Variants in CDC42SE2 observed in about 807,000 individuals in gnomAD.
CDC42SE2 encodes the protein CDC42 small effector 2.
CDC42SE2 carries 3 observed loss-of-function variants against 11.5 expected under a neutral mutation model. That is an observed-to-expected ratio of 0.26 (90% CI 0.12 to 0.67). The LOEUF is 0.67. Ranked by LOEUF, CDC42SE2 falls within the 30% of genes least tolerant of loss-of-function variation. The pLI, the probability that CDC42SE2 is intolerant of heterozygous loss-of-function variation, is 0.80. For synonymous variants in CDC42SE2, 33 were observed against 34.8 expected (o/e 0.95, Z 0.18); for missense variants, 82 against 106.8 (o/e 0.77, Z 1.02).
chr5:131,259,266 A>G (rs956156904), upstream of CDC42SE2, among the ~76,000 whole-genome samples: 1 of 152,192 alleles, frequency 6.6e-6, no homozygotes, highest in African/African-American at 2.4e-5. Context: ...AAAACAGACC[A>G]TGTATACATA....
chr5:131,328,219 A>G (rs1194402440), intron 2 of CDC42SE2, among the ~76,000 whole-genome samples: 1 of 152,192 alleles, frequency 6.6e-6, no homozygotes, highest in Admixed American at 6.5e-5. Context: ...GATTATGGAT[A>G]AAGGATTGTG....
intron 1 of CDC42SE2, among the ~76,000 whole-genome samples, chr5:131,284,154 C>T (rs531424739): frequency 7.5e-4 from 114 of 152,206 alleles, no homozygotes; most frequent in South Asian, 6.4e-3. Context: ...AAGGTTTATC[C>T]ATGTTGTGGT....
chr5:131,339,813 A>G (rs1171407541), intron 2 of CDC42SE2, among the ~76,000 whole-genome samples: 1 of 150,326 alleles, frequency 6.7e-6, no homozygotes, highest in African/African-American at 2.5e-5. Flanking sequence ...CCATCTCAAA[A>G]AAAAAAAAAA....
intron 3 of CDC42SE2, among the ~76,000 whole-genome samples, chr5:131,375,077 T>G (rs1478848615): frequency 6.6e-6 from 1 of 151,612 alleles, no homozygotes; most frequent in African/African-American, 2.4e-5. Flanking sequence ...GTTTTCATAC[T>G]TGGAATATGT....
upstream of CDC42SE2, among the ~76,000 whole-genome samples, chr5:131,241,204 T>C (rs1461384862): frequency 6.6e-6 from 1 of 151,970 alleles, no homozygotes; most frequent in Non-Finnish European, 1.5e-5. Flanking sequence ...GGTCTCGATC[T>C]CCTGACCTCG....
chr5:131,295,796 C>A (rs1015828890), intron 1 of CDC42SE2, among the ~76,000 whole-genome samples: 13 of 151,970 alleles, frequency 8.6e-5, no homozygotes, highest in Non-Finnish European at 5.9e-5. Flanking sequence ...CATTCTCCTG[C>A]CTCAGCCTCC....
At chr5:131,247,480 A>T (rs1020062442) in intron 1 of CDC42SE2, among the ~76,000 whole-genome samples, 1 of 151,982 alleles carries the variant, frequency 6.6e-6, no homozygotes, top group Non-Finnish European at 1.5e-5. Context: ...TTAGCTGGGC[A>T]TGGTGGTGGG....
At chr5:131,354,297 T>G (rs1749466814) in intron 2 of CDC42SE2, among the ~76,000 whole-genome samples, 1 of 152,182 alleles carries the variant, frequency 6.6e-6, no homozygotes, top group Non-Finnish European at 1.5e-5. Context: ...AACAAATAAT[T>G]ATAAAGCAAA....
intron 1 of CDC42SE2, among the ~76,000 whole-genome samples, chr5:131,293,753 T>C (rs1757512383): frequency 6.6e-6 from 1 of 152,202 alleles, no homozygotes; most frequent in South Asian, 2.1e-4. Flanking sequence ...CTTACTTTTC[T>C]TATGTTCTTT....
At chr5:131,218,599 C>G in the CDC42SE2 span, among the ~76,000 whole-genome samples, 1 of 149,636 alleles carries the variant, frequency 6.7e-6, no homozygotes, top group African/African-American at 2.5e-5. Context: ...TTGTATTAGC[C>G]CAAACGAAAC....
intron 3 of CDC42SE2, among the ~76,000 whole-genome samples, chr5:131,379,238 C>G (rs900382958): frequency 6.6e-6 from 1 of 152,180 alleles, no homozygotes; most frequent in Non-Finnish European, 1.5e-5. Context: ...TCTTTATTCA[C>G]TCTGTATCTG....
chr5:131,383,527 A>G (rs981168447), intron 3 of CDC42SE2, among the ~76,000 whole-genome samples: 2 of 152,184 alleles, frequency 1.3e-5, no homozygotes, highest in Non-Finnish European at 2.9e-5. Context: ...GAAAAGAGTG[A>G]AAAACTATAA....
chr5:131,383,135 A>G (rs1035015300), intron 3 of CDC42SE2, among the ~76,000 whole-genome samples: 1 of 152,184 alleles, frequency 6.6e-6, no homozygotes, highest in Admixed American at 6.5e-5. Context: ...AGACCAGTGC[A>G]TTGCTGGCAT....
At chr5:131,311,633 T>A (rs542029835) in intron 1 of CDC42SE2, among the ~76,000 whole-genome samples, 1 of 152,218 alleles carries the variant, frequency 6.6e-6, no homozygotes, top group Non-Finnish European at 1.5e-5. Flanking sequence ...TTGAAGACTT[T>A]GCTCGTTTCT....
the CDC42SE2 span, among the ~76,000 whole-genome samples, chr5:131,232,072 G>T: frequency 6.6e-6 from 1 of 151,650 alleles, no homozygotes; most frequent in African/African-American, 2.4e-5. Context: ...TTGCAGGTGT[G>T]AGCCACCACG....
intron 1 of CDC42SE2, among the ~76,000 whole-genome samples, chr5:131,294,431 C>T (rs1279451115): frequency 2.0e-5 from 3 of 152,118 alleles, no homozygotes; most frequent in South Asian, 4.1e-4. Flanking sequence ...ATAAATACTG[C>T]GCACTAGCTA....
chr5:131,343,741 G>A (rs1758768404), intron 2 of CDC42SE2, among the ~76,000 whole-genome samples: 1 of 150,954 alleles, frequency 6.6e-6, no homozygotes, highest in African/African-American at 2.4e-5. Context: ...AGAGAGAGAT[G>A]GAAGAGGCAG....
intron 2 of CDC42SE2, among the ~76,000 whole-genome samples, chr5:131,333,442 C>T (rs866870305): frequency 2.8e-4 from 43 of 152,186 alleles, no homozygotes; most frequent in Middle Eastern, 3.4e-3. Flanking sequence ...ATTGACTTGG[C>T]GATGCAGGCT....
the CDC42SE2 span, among the ~76,000 whole-genome samples, chr5:131,218,143 C>T: frequency 5.7e-5 from 8 of 140,482 alleles, no homozygotes; most frequent in Admixed American, 2.2e-4. Flanking sequence ...TACCACTGCA[C>T]TCCAGGCTGG....
Sources: allele counts gnomAD v4.1 joint callset (sites outside exome capture counted in the v4.1 genomes callset), GRCh38; gene constraint gnomAD v4.1.1; transcripts MANE v1.5; gene names NCBI Gene and HGNC (gene_info 2026-07-23, HGNC 2026-07-21).